Variants in BCR observed in about 807,000 individuals in gnomAD.
The protein encoded by BCR is breakpoint cluster region protein.
BCR carries 58 observed loss-of-function variants against 138.6 expected under a neutral mutation model. The observed-to-expected ratio is 0.42, with a 90% CI of 0.34 to 0.52. The LOEUF (loss-of-function observed/expected upper bound fraction) is 0.52. Among genes scored for constraint, BCR ranks in the 20% least tolerant of loss-of-function variants. BCR has a pLI of 0.06. For synonymous variants in BCR, 786 were observed against 730.1 expected, an observed-to-expected ratio of 1.08 and a Z score of -1.23; for missense variants, 1,599 against 1,727.2, an observed-to-expected ratio of 0.93 and a Z score of 1.32.
At chr22:23,273,547 C>G in intron 7 of BCR, 87 bp from the exon 8 acceptor site, 1 of 1,569,856 alleles carries the variant, frequency 6.4e-7, no homozygotes, top group African/African-American at 1.3e-5. Flanking sequence ...CTCTGGGCTC[C>G]GTCCACACTT....
intron 16 of BCR, among the ~76,000 whole-genome samples, chr22:23,303,931 C>CTTTTTTTTTTTTTTTTTTTTTTTTTTTT: frequency 9.4e-6 from 1 of 106,176 alleles, no homozygotes; most frequent in Non-Finnish European, 1.8e-5. Flanking sequence ...TCCTTGTTGC[C>CTTTTTTTTTTTTTTTTTTTTTTTTTTTT]TTTTTTTTTT....
In BCR at chr22:23,226,321, AGAGAGAGTGTGTGT is replaced by A. The variant is rs780395003; in HGVS notation, c.1280-27476_1280-27463del. 1.9e-3 allele frequency among the ~76,000 whole-genome samples: 272 copies of A among 146,666 alleles called. 2 individuals are homozygous for A. Among genetic ancestry groups the A allele is most frequent in the African/African-American group, 5.3e-3 (205 of 38,926 alleles). ...TTAAGTGTATGAGAGAGAGAGAGAG[AGAGAGAGTGTGTGT>A]GTGTGTGTGTGTGTGTGTGTCAGAA... On this transcript the variant is annotated intron_variant, in intron 1 of 22. Transcript: ENST00000305877.
At chr22:23,204,707 A>G (rs1004397994) in intron 1 of BCR, among the ~76,000 whole-genome samples, 8 of 152,222 alleles carry the variant, frequency 5.3e-5, no homozygotes, top group Non-Finnish European at 1.0e-4. Flanking sequence ...GGTCACCACC[A>G]GGACTGGAAC....
intron 1 of BCR, among the ~76,000 whole-genome samples, chr22:23,237,374 G>A (rs375952288): frequency 1.3e-5 from 2 of 152,192 alleles, no homozygotes; most frequent in Non-Finnish European, 1.5e-5. Context: ...CCTGGTTCCC[G>A]AGCCTGGCCG....
chr22:23,204,392 T>G (rs4822373), intron 1 of BCR, among the ~76,000 whole-genome samples: 62,309 of 151,658 alleles, frequency 0.41, 14,047 homozygotes, highest in East Asian at 0.91. Context: ...CCGTTAGTTT[T>G]GTGATTCTAA....
chr22:23,272,903 G>A (rs1365302571), intron 6 of BCR, among the ~76,000 whole-genome samples, 178 bp from the exon 7 acceptor site: 4 of 152,170 alleles, frequency 2.6e-5, no homozygotes, highest in Admixed American at 2.0e-4. Context: ...TGAATGTCCT[G>A]GACTTAAAGT....
At chr22:23,206,571 C>T (rs537592370) in intron 1 of BCR, among the ~76,000 whole-genome samples, 10 of 146,020 alleles carry the variant, frequency 6.8e-5, no homozygotes, top group Admixed American at 1.3e-4. Context: ...AGCGAGACTC[C>T]GTCTCAAAAA....
chr22:23,277,070 G>T (rs1174235946), intron 8 of BCR, among the ~76,000 whole-genome samples: 1 of 152,254 alleles, frequency 6.6e-6, no homozygotes, highest in South Asian at 2.1e-4. Flanking sequence ...AGCCAGGAAA[G>T]GGGGGCAGAA....
Position 23,181,697 on chromosome 22 carries a change from A to G in BCR, c.737A>G (p.Tyr246Cys), listed in dbSNP as rs763953825. The change falls in exon 1 of 23, where the codon TAC becomes TGC. Residue 246 changes from tyrosine to cysteine, a missense_variant. Tyr to Cys is a radical substitution (Grantham distance 194). Around this residue, in one of 4 missense-constraint regions of BCR, gnomAD observed 806 missense variants for 635.0 expected, o/e 1.27. Coordinates refer to ENST00000305877, the MANE Select transcript of BCR (RefSeq NM_004327.4). ...SESSCGVDGD[Y>C]EDAELNPRFL... Reference sequence around the variant, plus strand: ...AGCAGCTGCGGCGTCGACGGCGACTACGAGGACGCCGAGTTGAACCCCCGC... The same window carrying G: ...AGCAGCTGCGGCGTCGACGGCGACTGCGAGGACGCCGAGTTGAACCCCCGC... The G allele has an allele frequency of 1.2e-6, 2 of 1,604,814 alleles. No individual in the cohort carries two copies. The highest frequency in any genetic ancestry group is 2.2e-5 in the East Asian group (1 of 44,866).
chr22:23,264,348 C>A, intron 4 of BCR: 1 of 973,840 alleles, frequency 1.0e-6, no homozygotes, highest in South Asian at 1.3e-5. Context: ...CCTGGATATT[C>A]AAAACCCGTG....
intron 13 of BCR, 85 bp from the exon 14 acceptor site, chr22:23,290,254 T>G: frequency 7.5e-6 from 10 of 1,339,370 alleles, no homozygotes; most frequent in Non-Finnish European, 1.1e-5. Flanking sequence ...GTCCACCGGA[T>G]GGTTGATTTT....
At position 23,289,572 on chromosome 22, in the gene BCR, T is replaced by C; in HGVS notation, c.2658T>C (p.Cys886=). Residue 886 remains cysteine, a synonymous_variant, in exon 13 of 23, where the codon TGT becomes TGC. Transcript: ENST00000305877. Reference sequence around the variant, plus strand: ...AGCTGCAGATGCTGACCAACTCGTGTGTGAAACTCCAGACTGTCCACAGCA... The same window carrying C: ...AGCTGCAGATGCTGACCAACTCGTGCGTGAAACTCCAGACTGTCCACAGCA... ...SVELQMLTNS[C]VKLQTVHSIP... The C allele has an allele frequency of 1.2e-6, 2 of 1,614,238 alleles. No individual in the cohort carries two copies. The highest frequency in any genetic ancestry group is 8.5e-7 in the Non-Finnish European group (1 of 1,180,042).
rs771054679 is a variant in BCR, at chr22:23,289,628, C to CG, written c.2707+7_2707+8insG. On this transcript the variant is annotated splice_region_variant and intron_variant, in intron 13 of 22. Coordinates refer to ENST00000305877, the MANE Select transcript of BCR (RefSeq NM_004327.4). Reference sequence around the variant, plus strand: ...CTGACCATCAATAAGGAAGGTGGGCCCCCCCGTTTCCGTGTACAGGGCACC... The same window carrying CG: ...CTGACCATCAATAAGGAAGGTGGGCCGCCCCCGTTTCCGTGTACAGGGCACC... The CG allele has an allele frequency of 6.2e-7, 1 of 1,610,744 alleles. No individual in the cohort carries two copies. Among genetic ancestry groups the CG allele is most frequent in the African/African-American group, 1.3e-5 (1 of 74,770 alleles).
rs143598690 is a variant in BCR at position 23,249,945 on chromosome 22, T to C, written c.1280-3854T>C. ...GGGAAACGGCTGGGGTTTCAGCCAC[T>C]TGGAGTGTCCTAATTCCCCAGCAGA... is the stretch of plus-strand genomic sequence containing the variant. On this transcript the variant is annotated intron_variant, in intron 1 of 22. Coordinates refer to ENST00000305877, the MANE Select transcript of BCR (RefSeq NM_004327.4). Among the ~76,000 whole-genome samples the C allele has an allele frequency of 2.3e-3, 349 of 152,332 alleles. 3 individuals carry two copies. The highest frequency in any genetic ancestry group is 8.0e-3 in the African/African-American group (333 of 41,580).
At chr22:23,291,645 TC>T (rs1343925461) in intron 14 of BCR, among the ~76,000 whole-genome samples, 2 of 152,026 alleles carry the variant, frequency 1.3e-5, no homozygotes, top group African/African-American at 4.8e-5. Flanking sequence ...TTCTATCTCT[TC>T]CTTGCCCCGT....
chr22:23,266,296 C>G (rs1284096468), intron 4 of BCR, among the ~76,000 whole-genome samples: 1 of 152,136 alleles, frequency 6.6e-6, no homozygotes, highest in African/African-American at 2.4e-5. Flanking sequence ...ACCATGTTGG[C>G]CAGGCTGGTC....
At chr22:23,286,097 C>T (rs992908007) in intron 10 of BCR, among the ~76,000 whole-genome samples, 2 of 152,222 alleles carry the variant, frequency 1.3e-5, no homozygotes, top group Non-Finnish European at 2.9e-5. Flanking sequence ...CAGTGGAGGG[C>T]TTGGAGTAGT....
chr22:23,232,786 A>T (rs1176384037), intron 1 of BCR, among the ~76,000 whole-genome samples: 1 of 152,210 alleles, frequency 6.6e-6, no homozygotes, highest in Admixed American at 6.5e-5. Flanking sequence ...TTCATGTAGG[A>T]AGGCCTTATT....
intron 8 of BCR, among the ~76,000 whole-genome samples, chr22:23,274,243 T>A (rs1028424079): frequency 6.6e-6 from 1 of 152,228 alleles, no homozygotes; most frequent in African/African-American, 2.4e-5. Flanking sequence ...TTTGTGTCTG[T>A]GACGTGAGAC....
Sources: allele counts gnomAD v4.1 joint callset (sites outside exome capture counted in the v4.1 genomes callset), GRCh38; gene constraint gnomAD v4.1.1; regional missense constraint gnomAD v4.1.1; transcripts MANE v1.5; gene names NCBI Gene and HGNC (gene_info 2026-07-23, HGNC 2026-07-21).